Variants in SLCO1A2 observed in about 807,000 individuals in gnomAD.
The protein encoded by SLCO1A2 is OATP-1.
In SLCO1A2, 67 loss-of-function variants were observed where a neutral mutation model predicts 69.0. That is an observed-to-expected ratio of 0.97 (90% CI 0.80 to 1.19). The LOEUF (loss-of-function observed/expected upper bound fraction) is 1.19, where lower values mean the gene tolerates loss of function less well. SLCO1A2 is among the 50% of genes most tolerant of loss of function. SLCO1A2 has a pLI of 0.00. For missense variants in SLCO1A2, 787 were observed against 793.7 expected, an observed-to-expected ratio of 0.99 and a Z score of 0.10; for synonymous variants, 260 against 265.9, an observed-to-expected ratio of 0.98 and a Z score of 0.22.
At chr12:21,281,260 G>A (rs1944734017) in intron 12 of SLCO1A2, among the ~76,000 whole-genome samples, 1 of 152,034 alleles carries the variant, frequency 6.6e-6, no homozygotes, top group Admixed American at 6.6e-5. Context: ...GACCATCTTG[G>A]CCAACATGGT....
At chr12:21,318,276 A>G (rs10841790) in intron 3 of SLCO1A2, among the ~76,000 whole-genome samples, 57,102 of 151,378 alleles carry the variant, frequency 0.38, 11,544 homozygotes, top group African/African-American at 0.53. Flanking sequence ...CCGCCACCAT[A>G]CCCGGCCAAT....
chr12:21,397,432 T>A (rs1243989084), upstream of SLCO1A2, among the ~76,000 whole-genome samples: 1 of 151,902 alleles, frequency 6.6e-6, no homozygotes, highest in Non-Finnish European at 1.5e-5. Flanking sequence ...TGGGAGACTT[T>A]AACACCCCAC....
chr12:21,405,550 A>G (rs1189147861), intron 1 of SLCO1A2, among the ~76,000 whole-genome samples: 3 of 152,246 alleles, frequency 2.0e-5, no homozygotes, highest in Admixed American at 1.3e-4. Context: ...TACAGTAACC[A>G]AAACAGCATG....
intron 2 of SLCO1A2, among the ~76,000 whole-genome samples, chr12:21,359,798 C>A (rs1191700091): frequency 6.6e-6 from 1 of 150,750 alleles, no homozygotes; most frequent in Non-Finnish European, 1.5e-5. Context: ...CATACTTAAA[C>A]AAGAGAAAAG....
At chr12:21,317,305 T>A (rs1175825563) in intron 3 of SLCO1A2, among the ~76,000 whole-genome samples, 1 of 152,220 alleles carries the variant, frequency 6.6e-6, no homozygotes, top group East Asian at 1.9e-4. Context: ...CCTTTCCAAC[T>A]TTATCTTGGC....
chr12:21,327,043 C>A (rs1016694704), intron 2 of SLCO1A2, among the ~76,000 whole-genome samples: 1 of 152,036 alleles, frequency 6.6e-6, no homozygotes, highest in Non-Finnish European at 1.5e-5. Flanking sequence ...GGCCCAGAGG[C>A]CTAGGAGGAA....
intron 1 of SLCO1A2, among the ~76,000 whole-genome samples, chr12:21,388,994 T>G (rs1941023996): frequency 6.6e-6 from 1 of 152,194 alleles, no homozygotes; most frequent in African/African-American, 2.4e-5. Flanking sequence ...GTGACTATTT[T>G]TAAGACACAA....
At chr12:21,352,767 C>T (rs973511261) in intron 2 of SLCO1A2, among the ~76,000 whole-genome samples, 2 of 152,068 alleles carry the variant, frequency 1.3e-5, no homozygotes, top group Admixed American at 1.3e-4. Context: ...ATGTTTTTTC[C>T]TTGTTGCTTT....
chr12:21,364,684 G>A (rs1290954934), intron 2 of SLCO1A2, among the ~76,000 whole-genome samples: 1 of 152,176 alleles, frequency 6.6e-6, no homozygotes, highest in Non-Finnish European at 1.5e-5. Context: ...AAGCTGATAA[G>A]CAACTTCAGC....
chr12:21,368,354 C>T (rs1012037207), intron 2 of SLCO1A2, among the ~76,000 whole-genome samples: 10 of 152,054 alleles, frequency 6.6e-5, no homozygotes, highest in African/African-American at 2.4e-4. Context: ...CAAATGCCCC[C>T]ATTTTTTAAA....
chr12:21,397,280 C>T (rs925485584), upstream of SLCO1A2, among the ~76,000 whole-genome samples: 4 of 151,372 alleles, frequency 2.6e-5, no homozygotes, highest in African/African-American at 4.9e-5. Flanking sequence ...CAAAGAAGGC[C>T]ATTACATAAT....
intron 12 of SLCO1A2, among the ~76,000 whole-genome samples, chr12:21,291,378 T>C (rs943959545): frequency 6.6e-6 from 1 of 152,132 alleles, no homozygotes; most frequent in Non-Finnish European, 1.5e-5. Flanking sequence ...CTATGGTGAC[T>C]GGAAGTAGGG....
chr12:21,275,216 G>A (rs1943581301), intron 13 of SLCO1A2, 144 bp downstream of exon 13: 5 of 793,864 alleles, frequency 6.3e-6, no homozygotes, highest in Non-Finnish European at 8.8e-6. Context: ...TGAGTTAATG[G>A]GTGCAGCACA....
chr12:21,397,380 T>C (rs1277063172), upstream of SLCO1A2, among the ~76,000 whole-genome samples: 2 of 152,116 alleles, frequency 1.3e-5, no homozygotes, highest in African/African-American at 4.8e-5. Flanking sequence ...AAGCAAGTCC[T>C]GAGTGACCTA....
At chr12:21,387,088 A>G (rs1183148607) in intron 1 of SLCO1A2, among the ~76,000 whole-genome samples, 1 of 152,170 alleles carries the variant, frequency 6.6e-6, no homozygotes. Context: ...CCGGCCCTAG[A>G]GAATTTTGAA....
chr12:21,334,470 C>T (rs2136959328), intron 2 of SLCO1A2, 118 bp downstream of exon 2: 3 of 680,526 alleles, frequency 4.4e-6, no homozygotes, highest in East Asian at 2.8e-5. Flanking sequence ...ATCAATAGAA[C>T]AGGCAATATG....
At chr12:21,397,709 A>T (rs1184078784), upstream of SLCO1A2, among the ~76,000 whole-genome samples, 1 of 146,828 alleles carries the variant, frequency 6.8e-6, no homozygotes, top group East Asian at 2.0e-4. Flanking sequence ...AGAACTCAGG[A>T]TTAAGAATCT....
intron 2 of SLCO1A2, among the ~76,000 whole-genome samples, chr12:21,325,743 CTTATAAAACGTCCAAATATT>C (rs933352956): frequency 4.6e-5 from 7 of 152,250 alleles, no homozygotes; most frequent in African/African-American, 1.7e-4. Flanking sequence ...TATTTCATTT[CTTATAAAACGTCCAAATATT>C]TTAATCACCC....
intron 14 of SLCO1A2, among the ~76,000 whole-genome samples, chr12:21,272,239 A>G (rs1168461976): frequency 6.6e-6 from 1 of 151,838 alleles, no homozygotes; most frequent in Non-Finnish European, 1.5e-5. Flanking sequence ...TAGATGTATT[A>G]TAGATTCATA....
Sources: allele counts gnomAD v4.1 joint callset (sites outside exome capture counted in the v4.1 genomes callset), GRCh38; gene constraint gnomAD v4.1.1; transcripts MANE v1.5; gene names NCBI Gene and HGNC (gene_info 2026-07-23, HGNC 2026-07-21).